Variants in WASF2 observed in about 807,000 individuals in gnomAD.
The protein encoded by WASF2 is WASP family member 2, also known as actin-binding protein WASF2.
In WASF2, 14 loss-of-function variants were observed where a neutral mutation model predicts 45.0. The observed-to-expected ratio is 0.31, with a 90% CI of 0.21 to 0.49. WASF2 has a LOEUF of 0.49. WASF2 is among the 20% of genes least tolerant of loss of function. The pLI is 0.99. For missense variants in WASF2, 439 were observed against 636.1 expected (o/e 0.69, Z 3.33); for synonymous variants, 200 against 236.3 (o/e 0.85, Z 1.41).
intron 1 of WASF2, among the ~76,000 whole-genome samples, chr1:27,464,695 T>G (rs1468236798): frequency 2.6e-5 from 4 of 152,122 alleles, no homozygotes; most frequent in African/African-American, 7.2e-5. Flanking sequence ...TCTTTACCAC[T>G]TAGAAGCACT....
At chr1:27,461,492 G>A (rs1274539160) in intron 1 of WASF2, among the ~76,000 whole-genome samples, 2 of 137,734 alleles carry the variant, frequency 1.5e-5, no homozygotes, top group African/African-American at 2.8e-5. Context: ...ACGGAGTCTC[G>A]CTCTGTCTCC....
chr1:27,465,144 T>G (rs993635591), intron 1 of WASF2, among the ~76,000 whole-genome samples: 2 of 152,214 alleles, frequency 1.3e-5, no homozygotes, highest in African/African-American at 4.8e-5. Context: ...TTCTCAAATA[T>G]CTTTCTAAAA....
intron 1 of WASF2, among the ~76,000 whole-genome samples, chr1:27,455,172 T>C (rs2017450918): frequency 6.6e-6 from 1 of 152,148 alleles, no homozygotes; most frequent in Non-Finnish European, 1.5e-5. Context: ...AACCAATATA[T>C]CACTGCAGTT....
At chr1:27,429,849 C>T (rs1208978181) in intron 1 of WASF2, among the ~76,000 whole-genome samples, 5 of 151,204 alleles carry the variant, frequency 3.3e-5, no homozygotes, top group Admixed American at 2.0e-4. Context: ...ATTGACTGAA[C>T]GAGAGAATAT....
At chr1:27,422,492 G>A (rs1015301645) in intron 2 of WASF2, among the ~76,000 whole-genome samples, 6 of 151,712 alleles carry the variant, frequency 4.0e-5, no homozygotes, top group Non-Finnish European at 7.4e-5. Context: ...GTTGGTGGGC[G>A]CCTGTAGTCC....
chr1:27,461,870 C>T (rs2017550230), intron 1 of WASF2, among the ~76,000 whole-genome samples: 1 of 152,046 alleles, frequency 6.6e-6, no homozygotes, highest in African/African-American at 2.4e-5. Context: ...ACCATGTTGC[C>T]CAGGCAGTCT....
chr1:27,489,390 C>CAG (rs2017996720), intron 1 of WASF2, among the ~76,000 whole-genome samples: 1 of 137,456 alleles, frequency 7.3e-6, no homozygotes, highest in Non-Finnish European at 1.6e-5. Flanking sequence ...CACACACACA[C>CAG]AGTGTCCTCC....
chr1:27,469,259 T>C (rs1014776682), intron 1 of WASF2, among the ~76,000 whole-genome samples: 1 of 152,188 alleles, frequency 6.6e-6, no homozygotes, highest in African/African-American at 2.4e-5. Flanking sequence ...AGCTAATAAT[T>C]GTTGAAGCTG....
chr1:27,484,743 C>A (rs760604810), intron 1 of WASF2, among the ~76,000 whole-genome samples: 1 of 148,512 alleles, frequency 6.7e-6, no homozygotes, highest in Admixed American at 6.7e-5. Flanking sequence ...ACTCGGGAGG[C>A]GGAGGTTGCA....
intron 8 of WASF2, among the ~76,000 whole-genome samples, chr1:27,409,281 C>T (rs1425997602): frequency 2.0e-5 from 3 of 151,152 alleles, no homozygotes; most frequent in Admixed American, 2.0e-4. Context: ...AAAAATTAGC[C>T]GGGCGTGGTG....
intron 1 of WASF2, among the ~76,000 whole-genome samples, chr1:27,465,336 A>G (rs1164534077): frequency 1.3e-5 from 2 of 152,238 alleles, no homozygotes; most frequent in Non-Finnish European, 2.9e-5. Context: ...TCTAATTTAC[A>G]TACAATTAAA....
At chr1:27,441,924 C>CAAAA (rs1223064988) in intron 1 of WASF2, among the ~76,000 whole-genome samples, 3 of 66,322 alleles carry the variant, frequency 4.5e-5, no homozygotes, top group Admixed American at 1.7e-4. Flanking sequence ...GACTCCATCT[C>CAAAA]AAAAAAAAAA....
intron 3 of WASF2, among the ~76,000 whole-genome samples, 177 bp from the exon 4 acceptor site, chr1:27,418,599 G>A (rs536117883): frequency 5.2e-4 from 79 of 152,242 alleles, no homozygotes; most frequent in African/African-American, 1.5e-3. Flanking sequence ...CAGCCCAGTC[G>A]TTTCACGACT....
intron 2 of WASF2, among the ~76,000 whole-genome samples, chr1:27,427,006 T>C (rs1234353133): frequency 6.6e-6 from 1 of 152,236 alleles, no homozygotes; most frequent in African/African-American, 2.4e-5. Context: ...TTAGGAATTA[T>C]TTATTTCTGC....
chr1:27,489,568 G>C (rs1423301126), intron 1 of WASF2, among the ~76,000 whole-genome samples: 1 of 152,110 alleles, frequency 6.6e-6, no homozygotes, highest in East Asian at 1.9e-4. Context: ...GGCTCAGCCT[G>C]GGGAAGAACT....
intron 1 of WASF2, among the ~76,000 whole-genome samples, chr1:27,429,974 G>A (rs2148112605): frequency 6.6e-6 from 1 of 152,208 alleles, no homozygotes; most frequent in South Asian, 2.1e-4. Context: ...CTCCCATCCG[G>A]TTCAACACAC....
intron 1 of WASF2, among the ~76,000 whole-genome samples, chr1:27,431,155 CTG>C (rs2017057922): frequency 2.0e-5 from 3 of 152,194 alleles, no homozygotes; most frequent in Admixed American, 2.0e-4. Flanking sequence ...TTAATAGTCA[CTG>C]TGTGGCAGCT....
chr1:27,408,636 A>C (rs896784162), intron 8 of WASF2, among the ~76,000 whole-genome samples: 3 of 152,176 alleles, frequency 2.0e-5, no homozygotes, highest in Admixed American at 2.0e-4. Flanking sequence ...CATTCCATCT[A>C]GCAGACCCTC....
At chr1:27,438,258 C>G (rs2017163588) in intron 1 of WASF2, among the ~76,000 whole-genome samples, 1 of 152,220 alleles carries the variant, frequency 6.6e-6, no homozygotes, top group African/African-American at 2.4e-5. Context: ...TGCAACCTTT[C>G]TTTCTTGGCT....
Sources: gnomAD v4.1 joint callset for allele counts (sites outside exome capture counted in the v4.1 genomes callset) on GRCh38, gnomAD v4.1.1 for gene constraint, MANE v1.5 for transcripts, NCBI Gene and HGNC (gene_info 2026-07-23, HGNC 2026-07-21) for gene names.